PLCB3: variants seen among roughly 807,000 people sequenced by gnomAD.
PLCB3 encodes the protein 1-phosphatidylinositol 4,5-bisphosphate phosphodiesterase beta-3.
PLCB3 carries 54 observed loss-of-function variants against 152.1 expected under a neutral mutation model. That is an observed-to-expected ratio of 0.36 (90% confidence interval 0.29 to 0.45). PLCB3 has a LOEUF of 0.45. Ranked by LOEUF, PLCB3 falls within the 20% of genes least tolerant of loss-of-function variation. The pLI, the probability that PLCB3 is intolerant of heterozygous loss-of-function variation, is 1.00. For missense variants in PLCB3, 1,248 were observed against 1,687.5 expected, an observed-to-expected ratio of 0.74 and a Z score of 4.56; for synonymous variants, 717 against 698.7, an observed-to-expected ratio of 1.03 and a Z score of -0.41.
chr11:64,265,634 G>T, intron 25 of PLCB3, 132 bp downstream of exon 25: 1 of 1,412,100 alleles, frequency 7.1e-7, no homozygotes, highest in Non-Finnish European at 9.3e-7. Context: ...CAAGGATGGA[G>T]GAGGCTTTCC....
In PLCB3 at chr11:64,264,952, C is replaced by T. The variant is rs1259670240; in HGVS notation, c.2654C>T (p.Ala885Val). ...QLAALIGESE[A>V]QAGQETCQDT... ...GAGCATTCTCCTTTCTCCCTATAGG[C>T]TCAGGCTGGCCAAGAGACGTGCCAG... is the stretch of plus-strand genomic sequence containing the variant. The change falls in exon 23 of 31, where the codon GCT (alanine) becomes GTT (valine). Residue 885 changes from alanine to valine, a missense_variant and splice_region_variant. By Grantham distance (64) the Ala-to-Val change is moderately conservative. This residue lies in a region of PLCB3 where 477 missense variants were observed against 489.6 expected (regional missense o/e 0.97). Coordinates refer to ENST00000279230, the MANE Select transcript of PLCB3 (RefSeq NM_000932.5). 1 of 1,613,150 alleles carries T rather than the reference C, an allele frequency of 6.2e-7. No homozygotes were observed. Among genetic ancestry groups the T allele is most frequent in the African/African-American group, 1.3e-5 (1 of 74,998 alleles).
chr11:64,253,432 C>T (rs77115924), intron 1 of PLCB3, among the ~76,000 whole-genome samples: 144 of 152,314 alleles, frequency 9.5e-4, no homozygotes, highest in African/African-American at 3.3e-3. Flanking sequence ...AGAACTGTAC[C>T]TGGTGCGCAG....
Position 64,264,004 on chromosome 11 carries a change from C to A in PLCB3, c.2561-17C>A. 1 of 1,562,520 alleles carries A rather than the reference C, an allele frequency of 6.4e-7. No individual in the cohort carries two copies. The highest frequency in any genetic ancestry group is 8.7e-7 in the Non-Finnish European group (1 of 1,152,966). On this transcript the variant is annotated splice_polypyrimidine_tract_variant and intron_variant, in intron 21 of 30. Transcript: ENST00000279230. The stretch of plus-strand genomic sequence containing the variant: ...GGGGCTCTGTCTCTGAGACCTTGGC[C>A]TTCTGCCTCCCCCCAGACTATGCGG...
intron 1 of PLCB3, among the ~76,000 whole-genome samples, chr11:64,253,999 G>C (rs1446936704): frequency 6.6e-6 from 1 of 152,142 alleles, no homozygotes; most frequent in East Asian, 1.9e-4. Context: ...GGGGTGGATT[G>C]GGGGGCTGCC....
downstream of PLCB3, among the ~76,000 whole-genome samples, chr11:64,268,316 C>T (rs571879199): frequency 3.9e-5 from 6 of 152,154 alleles, no homozygotes; most frequent in Admixed American, 3.9e-4. Context: ...GGTGATGGAT[C>T]GGCCAGGGTG....
At chr11:64,264,309 A>T (rs1010444864) in intron 22 of PLCB3, among the ~76,000 whole-genome samples, 197 bp downstream of exon 22, 10 of 152,224 alleles carry the variant, frequency 6.6e-5, no homozygotes, top group Admixed American at 2.0e-4. Context: ...GAATTCCTCC[A>T]GCTCCATGTA....
chr11:64,260,043 G>C lies in PLCB3; in HGVS notation c.1540G>C (p.Asp514His). 6.2e-7 allele frequency: 1 copy of C among 1,610,860 alleles called. No individual in the cohort carries two copies. Among genetic ancestry groups the C allele is most frequent in the Middle Eastern group, 1.8e-4 (1 of 5,624 alleles). The change falls in exon 14 of 31, where the codon GAC becomes CAC. Residue 514 changes from aspartate (D) to histidine (H), a missense_variant. Around this residue, in one of 6 missense-constraint regions of PLCB3, gnomAD observed 105 missense variants for 100.9 expected, o/e 1.04. Coordinates refer to ENST00000279230, the MANE Select transcript of PLCB3 (RefSeq NM_000932.5). ...SSPQLGSPSS[D>H]SCPGLSNGEE... is the part of the protein sequence containing the mutation. ...GTCCTCTGCAGGGTCTCCCAGCTCTGACAGCTGCCCAGGCCTGAGCAATGG... is the reference window on the plus strand; with the variant it reads ...GTCCTCTGCAGGGTCTCCCAGCTCTCACAGCTGCCCAGGCCTGAGCAATGG...
Position 64,254,137 on chromosome 11 carries a change from A to C in PLCB3, c.100-278A>C, listed in dbSNP as rs115123034. On this transcript the variant is annotated intron_variant, in intron 1 of 30. Transcript: ENST00000279230. ...GGCAGGGTGTCCTGGCAAAGGGAACATGAGACAAAGCCCTGGGAAAGGTCA... is the reference window on the plus strand; with the variant it reads ...GGCAGGGTGTCCTGGCAAAGGGAACCTGAGACAAAGCCCTGGGAAAGGTCA... 3.7e-3 allele frequency among the ~76,000 whole-genome samples: 556 copies of C among 152,210 alleles called. 5 individuals carry two copies. The highest frequency in any genetic ancestry group is 0.013 in the African/African-American group (525 of 41,518).
chr11:64,253,998 T>C (rs1194543191), intron 1 of PLCB3, among the ~76,000 whole-genome samples: 1 of 151,852 alleles, frequency 6.6e-6, no homozygotes, highest in African/African-American at 2.4e-5. Flanking sequence ...TGGGGTGGAT[T>C]GGGGGGCTGC....
At chr11:64,263,453 TG>T in intron 19 of PLCB3, 44 bp from the exon 20 acceptor site, 1 of 1,274,310 alleles carries the variant, frequency 7.8e-7, no homozygotes, top group Non-Finnish European at 1.1e-6. Flanking sequence ...GTAGCCACAG[TG>T]GCCCAGGGTC....
chr11:64,260,562 CG>C (rs2031796759), intron 14 of PLCB3, among the ~76,000 whole-genome samples: 1 of 151,506 alleles, frequency 6.6e-6, no homozygotes, highest in African/African-American at 2.4e-5. Context: ...GGTGCAGGAG[CG>C]GGGAGCATTG....
chr11:64,266,390 G>A lies in PLCB3; in HGVS notation c.3342G>A (p.Lys1114=). Residue 1114 remains lysine, a synonymous_variant, in exon 28 of 31, where the codon AAG becomes AAA. Transcript: ENST00000279230. The surrounding 1 kb of genome is among the most constrained non-coding windows in gnomAD (Gnocchi z 4.9). ...TCTCGGAGGCCAAGATGAGGGACAA[G>A]CATAAGAAGGAGGCGTAAGGGCACC... ...NSISEAKMRD[K]HKKEAELTEI... The A allele has an allele frequency of 6.2e-7, 1 of 1,608,532 alleles. No individual in the cohort carries two copies. Among genetic ancestry groups the A allele is most frequent in the Non-Finnish European group, 8.5e-7 (1 of 1,175,222 alleles).
intron 24 of PLCB3, 37 bp from the exon 25 acceptor site, chr11:64,265,273 C>A: frequency 6.5e-7 from 1 of 1,536,260 alleles, no homozygotes. Context: ...TTGCAGGTTC[C>A]CCCACCCCCC....
At chr11:64,263,445 A>G in intron 19 of PLCB3, 53 bp from the exon 20 acceptor site, 1 of 1,144,798 alleles carries the variant, frequency 8.7e-7, no homozygotes, top group South Asian at 1.4e-5. Context: ...GTGGCCTGGT[A>G]GCCACAGTGG....
Position 64,266,346 on chromosome 11 carries a change from A to G in PLCB3, c.3298A>G (p.Arg1100Gly). The G allele has an allele frequency of 6.2e-7, 1 of 1,613,256 alleles. No individual in the cohort carries two copies. The highest frequency in any genetic ancestry group is 1.1e-5 in the South Asian group (1 of 91,012). The part of the protein sequence containing the change: ...EKKELQKILD[R>G]KRHNSISEAK... ...GAAGGAGCTGCAGAAGATCCTGGAC[A>G]GAAAGCGCCATAACAGCATCTCGGA... The change falls in exon 28 of 31, where the codon AGA becomes GGA. Residue 1100 changes from arginine (R) to glycine (G), a missense_variant. Arg to Gly is a moderately radical substitution (Grantham distance 125). This residue lies in a region of PLCB3 where 477 missense variants were observed against 489.6 expected (regional missense o/e 0.97). Coordinates refer to ENST00000279230, the MANE Select transcript of PLCB3 (RefSeq NM_000932.5). This position sits in a 1 kb window ranked among gnomAD's most constrained non-coding sequence, Gnocchi z 4.9.
chr11:64,269,264 CCT>C (rs1408269503), downstream of PLCB3: 1 of 152,500 alleles, frequency 6.6e-6, no homozygotes, highest in South Asian at 2.0e-4. Context: ...TCCCTGAAGC[CCT>C]CTCTGACTGC....
chr11:64,267,368 G>A lies in PLCB3; in HGVS notation c.3517G>A (p.Ala1173Thr), dbSNP rs757594793. The change falls in exon 31 of 31, where the codon GCC (alanine) becomes ACC (threonine). Residue 1173 changes from alanine to threonine, a missense_variant. Around this residue, in one of 6 missense-constraint regions of PLCB3, gnomAD observed 477 missense variants for 489.6 expected, o/e 0.97. Coordinates refer to ENST00000279230, the MANE Select transcript of PLCB3 (RefSeq NM_000932.5). The surrounding 1 kb of genome is among the most constrained non-coding windows in gnomAD (Gnocchi z 5.2). Reference protein sequence around the residue: ...EEEPKLLAQLAQECQEQRARL... With the variant: ...EEEPKLLAQLTQECQEQRARL... ...TCTCCCACAGCTGCTGGCCCAGCTG[G>A]CCCAGGAGTGTCAGGAGCAGCGGGC... The A allele has an allele frequency of 6.5e-7, 1 of 1,545,956 alleles. No homozygotes were observed. The highest frequency in any genetic ancestry group is 8.7e-7 in the Non-Finnish European group (1 of 1,143,654).
At position 64,266,059 on chromosome 11, in the gene PLCB3, CA is replaced by C; in HGVS notation, c.3189+21del. 1 of 1,613,842 alleles carries C rather than the reference CA, an allele frequency of 6.2e-7. No homozygotes were observed. Among genetic ancestry groups the C allele is most frequent in the Non-Finnish European group, 8.5e-7 (1 of 1,179,904 alleles). On this transcript the variant is annotated intron_variant, in intron 26 of 30. Transcript: ENST00000279230. The surrounding 1 kb of genome is among the most constrained non-coding windows in gnomAD (Gnocchi z 4.9). The stretch of plus-strand genomic sequence containing the variant: ...AGACAGGTAGGGGGCCTGCAGTGGC[CA>C]GGGAAAGCCTGCTGGATAGACCCGT...
intron 1 of PLCB3, among the ~76,000 whole-genome samples, chr11:64,252,861 T>C (rs1400850903): frequency 1.3e-5 from 2 of 152,020 alleles, no homozygotes; most frequent in Non-Finnish European, 2.9e-5. Context: ...GCAGGGGACC[T>C]GGGCTGCCTT....
Sources: allele counts gnomAD v4.1 joint callset (sites outside exome capture counted in the v4.1 genomes callset), GRCh38; gene constraint gnomAD v4.1.1; regional missense constraint gnomAD v4.1.1; non-coding constraint Gnocchi (gnomAD v3.1); transcripts MANE v1.5; gene names NCBI Gene and HGNC (gene_info 2026-07-23, HGNC 2026-07-21).